The following HEATR4 variants were observed in gnomAD, a reference collection of about 807,000 sequenced individuals.
The protein encoded by HEATR4 is HEAT repeat-containing protein 4.
In HEATR4, 95 loss-of-function variants were observed where a neutral mutation model predicts 108.8. The ratio of observed to expected loss-of-function variants is 0.87; its 90% CI spans 0.74 to 1.04. The LOEUF (loss-of-function observed/expected upper bound fraction) is 1.04. Among genes scored for constraint, HEATR4 ranks in the 50% least tolerant of loss-of-function variants. The pLI is 0.00. For synonymous variants in HEATR4, 443 were observed against 459.4 expected (o/e 0.96, Z 0.46); for missense variants, 1,152 against 1,253.8 (o/e 0.92, Z 1.23).
the HEATR4 span, among the ~76,000 whole-genome samples, chr14:73,587,545 G>A: frequency 6.6e-6 from 1 of 152,072 alleles, no homozygotes; most frequent in African/African-American, 2.4e-5. Context: ...TAGTAAAGAC[G>A]GGGTTTTGCC....
intron 2 of HEATR4, among the ~76,000 whole-genome samples, chr14:73,524,440 A>T (rs184154943): frequency 2.3e-4 from 35 of 150,724 alleles, no homozygotes; most frequent in African/African-American, 7.3e-4. Flanking sequence ...AACACTGTAG[A>T]TAACAAATGC....
Position 73,498,259 on chromosome 14 carries a change from C to T in HEATR4, c.2442G>A (p.Arg814=). 2 of 1,614,074 alleles carry T rather than the reference C, an allele frequency of 1.2e-6. No individual in the cohort carries two copies. Among genetic ancestry groups the T allele is most frequent in the Non-Finnish European group, 1.7e-6 (2 of 1,180,016 alleles). ...CTAGGATGCTACGGCAAGCTTCCAGCCGTACACCTGGTGACTCTTCATAGT... is the reference window on the plus strand; with the variant it reads ...CTAGGATGCTACGGCAAGCTTCCAGTCGTACACCTGGTGACTCTTCATAGT... The part of the protein sequence containing the change: ...AIHYEESPGV[R]LEACRSILAL... Residue 814 remains arginine, a synonymous_variant, in exon 14 of 18, where the codon CGG becomes CGA. Transcript: ENST00000553558.
chr14:73,498,046 G>T lies in HEATR4; in HGVS notation c.2546+109C>A, dbSNP rs1057418785. On this transcript the variant is annotated intron_variant, in intron 14 of 17. Coordinates refer to ENST00000553558, the MANE Select transcript of HEATR4 (RefSeq NM_001220484.1). ...GTGGTGAATGTGCAGGTGAACCAGT[G>T]CTTTTACTGCCATTAGGTAGCCTGG... 1.5e-5 allele frequency: 15 copies of T among 1,003,676 alleles called. No homozygotes were observed. The South Asian group carries it at 2.3e-4, about 16-fold the overall frequency. 62.2% of individuals were successfully genotyped at this position (1,003,676 alleles called of 1,614,324 possible).
In HEATR4 at chr14:73,543,127, G is replaced by A. The variant is rs1178716879; in HGVS notation, c.-151-12883C>T. The A allele has an allele frequency of 1.1e-5, 17 of 1,600,284 alleles. No individual in the cohort carries two copies. In the East Asian group the frequency reaches 3.6e-4, roughly 34 times the overall value. ...GCCTTTCCATGGCCTCTTTCCTGAA[G>A]GGCATCACGGCTGCTGTCGTCATCA... is the stretch of plus-strand genomic sequence containing the variant. On this transcript the variant is annotated intron_variant, in intron 1 of 17. Transcript: ENST00000553558.
intron 1 of HEATR4, among the ~76,000 whole-genome samples, chr14:73,556,798 T>C (rs146180378): frequency 0.022 from 2,485 of 114,178 alleles, 798 homozygotes; most frequent in Middle Eastern, 0.075. Flanking sequence ...TGAGGAATTG[T>C]TATTATTAGT....
At chr14:73,484,212 T>A (rs183376487) in intron 17 of HEATR4, among the ~76,000 whole-genome samples, 4 of 151,830 alleles carry the variant, frequency 2.6e-5, no homozygotes, top group Admixed American at 2.6e-4. Context: ...TTCAAAATTA[T>A]TTTATAGGTT....
chr14:73,544,743 C>T (rs1889205496), intron 1 of HEATR4, among the ~76,000 whole-genome samples: 1 of 113,752 alleles, frequency 8.8e-6, no homozygotes, highest in African/African-American at 2.9e-5. Flanking sequence ...TCAAGACAAG[C>T]CTGGGCAACA....
chr14:73,538,037 G>C lies in HEATR4; in HGVS notation c.-151-7793C>G, dbSNP rs1378474382. Reference sequence around the variant, plus strand: ...CCACCACCCCGGGCTATGTTGCCCAGGTAGGTCTTGAACTCCTGGACCCAA... The same window carrying C: ...CCACCACCCCGGGCTATGTTGCCCACGTAGGTCTTGAACTCCTGGACCCAA... On this transcript the variant is annotated intron_variant, in intron 1 of 17. Transcript: ENST00000553558. Among the ~76,000 whole-genome samples, 2 of 107,710 alleles carry C rather than the reference G, an allele frequency of 1.9e-5. 1 individual carries two copies. The highest frequency in any genetic ancestry group is 1.7e-3 in the East Asian group (2 of 1,178). The allele number at this position is 107,710 out of a possible 152,430, so 70.7% of individuals were successfully genotyped here. A position where few individuals can be genotyped will look rare whatever the true frequency, so the allele number is the denominator to read the frequency against.
chr14:73,498,432 C>T, intron 13 of HEATR4, 88 bp from the exon 14 acceptor site: 2 of 1,189,324 alleles, frequency 1.7e-6, no homozygotes, highest in Non-Finnish European at 2.3e-6. Context: ...GCAAACAATA[C>T]CTTCCCTTTT....
At chr14:73,615,422 A>T in the HEATR4 span, among the ~76,000 whole-genome samples, 1 of 146,314 alleles carries the variant, frequency 6.8e-6, no homozygotes, top group African/African-American at 2.5e-5. Context: ...AAACAAAAAA[A>T]ACCAGCAACA....
the HEATR4 span, among the ~76,000 whole-genome samples, chr14:73,608,408 A>G: frequency 1.3e-5 from 2 of 152,030 alleles, no homozygotes; most frequent in Admixed American, 1.3e-4. Flanking sequence ...TTTGCATAGC[A>G]AGAGTGACCT....
In HEATR4 at chr14:73,495,244, G is replaced by C; in HGVS notation, c.2769C>G (p.Leu923=). Residue 923 remains leucine, a synonymous_variant, in exon 16 of 18, where the codon CTC becomes CTG. Coordinates refer to ENST00000553558, the MANE Select transcript of HEATR4 (RefSeq NM_001220484.1). ...GAAACCTACCCTGAAAAGTTTCTTG[G>C]AGTAAAGTCTGGAGTGTTAGTGGTC... The part of the protein sequence containing the change: ...EQGPLTLQTL[L]QETFQDEMVL... The C allele has an allele frequency of 6.2e-7, 1 of 1,613,654 alleles. No homozygotes were observed. The highest frequency in any genetic ancestry group is 2.2e-5 in the East Asian group (1 of 44,854).
upstream of HEATR4, among the ~76,000 whole-genome samples, chr14:73,563,203 G>A (rs10467825): frequency 1.1e-3 from 172 of 151,482 alleles, 1 homozygote; most frequent in African/African-American, 3.4e-3. Context: ...TTTGTCAGCC[G>A]GCCGACTCTT....
chr14:73,589,761 C>T, the HEATR4 span, among the ~76,000 whole-genome samples: 1 of 152,154 alleles, frequency 6.6e-6, no homozygotes, highest in Admixed American at 6.5e-5. Flanking sequence ...CAGACCCTCG[C>T]GGAGATGTTA....
At position 73,509,866 on chromosome 14, in the gene HEATR4, A is replaced by ATATTTATATATT. The variant is rs1887124392; in HGVS notation, c.1559-394_1559-393insAATATATAAATA. Among the ~76,000 whole-genome samples, 23 of 67,512 alleles carry ATATTTATATATT rather than the reference A, an allele frequency of 3.4e-4. 1 individual carries two copies. The highest frequency in any genetic ancestry group is 1.4e-3 in the African/African-American group (22 of 15,960). 44.3% of individuals were successfully genotyped at this position (67,512 alleles called of 152,430 possible). On this transcript the variant is annotated intron_variant, in intron 7 of 17. Coordinates refer to ENST00000553558, the MANE Select transcript of HEATR4 (RefSeq NM_001220484.1). ...TATATATATATATATATATATATAT[A>ATATTTATATATT]TATTTATTTATTTTATATATTTTTT...
the HEATR4 span, among the ~76,000 whole-genome samples, chr14:73,597,070 T>TTTTATTTATTTATTTATTTA: frequency 4.4e-4 from 65 of 148,908 alleles, no homozygotes; most frequent in African/African-American, 1.5e-3. Flanking sequence ...GGTAATTTTA[T>TTTTATTTATTTATTTATTTA]TTTATTTATT....
Position 73,500,580 on chromosome 14 carries a change from T to C in HEATR4, c.2256A>G (p.Ala752=). The change falls in exon 12 of 18, where the codon GCA becomes GCG. Residue 752 remains alanine, a synonymous_variant. Coordinates refer to ENST00000553558, the MANE Select transcript of HEATR4 (RefSeq NM_001220484.1). ...TGTCGCGGATCTGCAGGGCACCAGC[T>C]GCCAAACAGGCTGCCCGCCGAACTG... ...FTAVRRAACL[A]AGALQIRDKM... The C allele has an allele frequency of 6.2e-7, 1 of 1,613,800 alleles. No homozygotes were observed. The highest frequency in any genetic ancestry group is 8.5e-7 in the Non-Finnish European group (1 of 1,179,974).
the HEATR4 span, among the ~76,000 whole-genome samples, chr14:73,618,000 G>A: frequency 6.6e-6 from 1 of 151,968 alleles, no homozygotes; most frequent in African/African-American, 2.4e-5. Flanking sequence ...AAAATTAGCT[G>A]GGCATGGTGG....
chr14:73,539,059 C>CT lies in HEATR4; in HGVS notation c.-151-8816dup, dbSNP rs575442082. Reference sequence around the variant, plus strand: ...TATTTATGTATGGACCAGGAAGTCACTTTTTTTTTTAATAAAAAGAATTCC... The same window carrying CT: ...TATTTATGTATGGACCAGGAAGTCACTTTTTTTTTTTAATAAAAAGAATTCC... On this transcript the variant is annotated intron_variant, in intron 1 of 17. Coordinates refer to ENST00000553558, the MANE Select transcript of HEATR4 (RefSeq NM_001220484.1). 5.6e-3 allele frequency among the ~76,000 whole-genome samples: 614 copies of CT among 110,526 alleles called. 170 individuals carry two copies. Among genetic ancestry groups the CT allele is most frequent in the Non-Finnish European group, 8.2e-3 (417 of 50,562 alleles). The allele number at this position is 110,526 out of a possible 152,430, so 72.5% of individuals were successfully genotyped here. A position where few individuals can be genotyped will look rare whatever the true frequency, so the allele number is the denominator to read the frequency against.
Sources: gnomAD v4.1 joint callset for allele counts (sites outside exome capture counted in the v4.1 genomes callset) on GRCh38, gnomAD v4.1.1 for gene constraint, MANE v1.5 for transcripts, NCBI Gene and HGNC (gene_info 2026-07-23, HGNC 2026-07-21) for gene names.